Variants in CALN1 observed in about 807,000 individuals in gnomAD.
The protein encoded by CALN1 is calcium-binding protein 8.
CALN1 carries 17 observed loss-of-function variants against 30.6 expected under a neutral mutation model. The ratio of observed to expected loss-of-function variants is 0.56; its 90% CI spans 0.38 to 0.83. The LOEUF is 0.83. Among genes scored for constraint, CALN1 ranks in the 40% least tolerant of loss-of-function variants. The probability of loss-of-function intolerance (pLI) is 0.00; values close to 1 mark genes in which losing one functional copy is unlikely to be tolerated. For synonymous variants in CALN1, 156 were observed against 131.4 expected, an observed-to-expected ratio of 1.19 and a Z score of -1.28; for missense variants, 291 against 354.9, an observed-to-expected ratio of 0.82 and a Z score of 1.45.
intron 4 of CALN1, among the ~76,000 whole-genome samples, chr7:72,047,843 A>C (rs1400155519): frequency 6.6e-6 from 1 of 152,158 alleles, no homozygotes; most frequent in Non-Finnish European, 1.5e-5. Context: ...CTGCAAACAG[A>C]GACAACCAAG....
At chr7:71,969,861 G>T (rs564120215) in intron 5 of CALN1, among the ~76,000 whole-genome samples, 1 of 149,928 alleles carries the variant, frequency 6.7e-6, no homozygotes, top group African/African-American at 2.5e-5. Context: ...GTCTCACTCT[G>T]TCACCCAGGC....
At chr7:71,892,885 G>A (rs566035120) in intron 5 of CALN1, among the ~76,000 whole-genome samples, 3 of 152,046 alleles carry the variant, frequency 2.0e-5, no homozygotes, top group East Asian at 1.9e-4. Flanking sequence ...TGAGAACCAC[G>A]TCATTTTTTT....
At chr7:71,979,173 A>G (rs1798259113) in intron 5 of CALN1, among the ~76,000 whole-genome samples, 1 of 152,164 alleles carries the variant, frequency 6.6e-6, no homozygotes, top group South Asian at 2.1e-4. Context: ...GTGGTCCCCA[A>G]CTTGGCACCA....
chr7:72,335,473 C>T (rs1801954842), intron 2 of CALN1, among the ~76,000 whole-genome samples: 1 of 152,206 alleles, frequency 6.6e-6, no homozygotes. Flanking sequence ...CCAACTCTGT[C>T]GCAGAGGCTA....
chr7:71,836,376 T>C (rs1789602797), intron 5 of CALN1, among the ~76,000 whole-genome samples: 1 of 152,038 alleles, frequency 6.6e-6, no homozygotes, highest in African/African-American at 2.4e-5. Context: ...GGATCTGGAG[T>C]GGAGGTCAGG....
chr7:71,955,990 A>ATT (rs10541876), intron 5 of CALN1, among the ~76,000 whole-genome samples: 19 of 145,638 alleles, frequency 1.3e-4, no homozygotes, highest in East Asian at 4.1e-4. Context: ...TATGTTCTGG[A>ATT]TTTTTTTTTT....
chr7:72,127,592 A>G (rs113770375), intron 3 of CALN1, among the ~76,000 whole-genome samples: 32 of 152,288 alleles, frequency 2.1e-4, no homozygotes, highest in African/African-American at 7.5e-4. Context: ...TTTAAGGTAC[A>G]GCCAGCAGGG....
At chr7:72,314,366 C>CATATATATACACATATATACACAT (rs371418054) in intron 2 of CALN1, among the ~76,000 whole-genome samples, 8 of 81,842 alleles carry the variant, frequency 9.8e-5, no homozygotes, top group South Asian at 6.5e-4. Context: ...TATACATATA[C>CATATATATACACATATATACACAT]ATATATACAC....
rs1162218753 is a variant in CALN1, at chr7:71,787,544, G to A, written c.*231C>T. On this transcript the variant is annotated 3_prime_UTR_variant, in exon 7 of 7. Transcript: ENST00000395275. ...GAAATCCTGGCGATTTATTGCATTA[G>A]AAAACAAAACCATTAAAGCACTGAA... The A allele has an allele frequency of 6.4e-6, 3 of 465,324 alleles. No homozygotes were observed. Among genetic ancestry groups the A allele is most frequent in the Non-Finnish European group, 1.1e-5 (3 of 264,126 alleles). The allele number at this position is 465,324 out of a possible 1,614,324, so 28.8% of individuals were successfully genotyped here.
At chr7:72,297,305 A>C (rs1018457200) in intron 2 of CALN1, among the ~76,000 whole-genome samples, 10 of 147,938 alleles carry the variant, frequency 6.8e-5, no homozygotes, top group African/African-American at 2.4e-4. Context: ...AAAATAAATT[A>C]AGAAAATAGG....
chr7:72,094,110 T>G (rs759926245), intron 4 of CALN1, among the ~76,000 whole-genome samples: 40 of 152,070 alleles, frequency 2.6e-4, no homozygotes, highest in Non-Finnish European at 2.4e-4. Context: ...GATTGGCATA[T>G]CCCAAGAGGA....
rs187210628 is a variant in CALN1 at position 71,851,512 on chromosome 7, T to G, written c.502-41020A>C. ...CCAGCCTAGGTAACAGGTGAGGCCG[T>G]GTCTCAAAAAAGAAAAAAACAGTAT... On this transcript the variant is annotated intron_variant, in intron 5 of 6. Coordinates refer to ENST00000395275, the MANE Select transcript of CALN1 (RefSeq NM_031468.4). Among the ~76,000 whole-genome samples, 6 of 151,536 alleles carry G rather than the reference T, an allele frequency of 4.0e-5. No individual in the cohort carries two copies. The East Asian group carries it at 1.2e-3, about 29-fold the overall frequency.
chr7:72,037,968 A>G (rs1194818651), intron 4 of CALN1, among the ~76,000 whole-genome samples: 3 of 152,280 alleles, frequency 2.0e-5, no homozygotes, highest in East Asian at 3.9e-4. Flanking sequence ...GGAAGGCGAG[A>G]TGGAGGAACA....
At chr7:71,801,424 GTATGTATCTATCTATCTATC>G (rs1375330876) in intron 6 of CALN1, among the ~76,000 whole-genome samples, 6 of 102,636 alleles carry the variant, frequency 5.8e-5, no homozygotes, top group African/African-American at 1.5e-4. Flanking sequence ...ATGTATGTAT[GTATGTATCTATCTATCTATC>G]TATCTATCTA....
rs189530799 is a variant in CALN1 at position 71,944,700 on chromosome 7, G to A, written c.501+78957C>T. On this transcript the variant is annotated intron_variant, in intron 5 of 6. Transcript: ENST00000395275. ...TTAAAAAACTAATTGCTATCAAAAT[G>A]CTTAATGAGTCAATTACTAATTATA... Among the ~76,000 whole-genome samples the A allele has an allele frequency of 2.2e-3, 332 of 150,930 alleles. 4 individuals are homozygous for A. The highest frequency in any genetic ancestry group is 3.9e-3 in the Non-Finnish European group (265 of 67,876).
intron 5 of CALN1, among the ~76,000 whole-genome samples, chr7:71,999,851 A>G (rs1377301869): frequency 6.6e-6 from 1 of 152,122 alleles, no homozygotes; most frequent in East Asian, 1.9e-4. Context: ...ACATTCACCA[A>G]GACAGATAAT....
At chr7:71,848,489 T>C (rs1017412882) in intron 5 of CALN1, among the ~76,000 whole-genome samples, 1 of 152,106 alleles carries the variant, frequency 6.6e-6, no homozygotes, top group Admixed American at 6.6e-5. Flanking sequence ...TAAAACCCCG[T>C]AGAATATTGC....
chr7:72,120,847 C>T (rs1324703945), intron 3 of CALN1, among the ~76,000 whole-genome samples: 1 of 152,070 alleles, frequency 6.6e-6, no homozygotes, highest in South Asian at 2.1e-4. Flanking sequence ...GGTGAGTGAA[C>T]CCCACATGCA....
At chr7:72,062,028 A>G (rs544962295) in intron 4 of CALN1, among the ~76,000 whole-genome samples, 2 of 152,328 alleles carry the variant, frequency 1.3e-5, no homozygotes, top group South Asian at 4.1e-4. Flanking sequence ...CTGAGACCAG[A>G]AGGAAGTGGA....
Sources: gnomAD v4.1 joint callset for allele counts (sites outside exome capture counted in the v4.1 genomes callset) on GRCh38, gnomAD v4.1.1 for gene constraint, MANE v1.5 for transcripts, NCBI Gene and HGNC (gene_info 2026-07-23, HGNC 2026-07-21) for gene names.